The following LSAMP variants were observed in gnomAD, a reference collection of about 807,000 sequenced individuals.
The protein encoded by LSAMP is limbic system associated membrane protein, also known as limbic system-associated membrane protein.
LSAMP carries 7 observed loss-of-function variants against 38.6 expected under a neutral mutation model. The ratio of observed to expected loss-of-function variants is 0.18; its 90% CI spans 0.10 to 0.34. The LOEUF is 0.34. Among genes scored for constraint, LSAMP ranks in the 10% least tolerant of loss-of-function variants. LSAMP has a pLI of 1.00. For missense variants in LSAMP, 313 were observed against 420.0 expected, an observed-to-expected ratio of 0.75 and a Z score of 2.23; for synonymous variants, 154 against 166.8, an observed-to-expected ratio of 0.92 and a Z score of 0.59.
intron 1 of LSAMP, among the ~76,000 whole-genome samples, chr3:116,156,959 A>C (rs73858549): frequency 6.6e-6 from 1 of 152,154 alleles, no homozygotes; most frequent in Non-Finnish European, 1.5e-5. Context: ...TTAACTTCAT[A>C]TAAGGAAGGA....
chr3:115,917,340 G>A (rs1293333726), intron 3 of LSAMP, among the ~76,000 whole-genome samples: 1 of 151,910 alleles, frequency 6.6e-6, no homozygotes, highest in Non-Finnish European at 1.5e-5. Context: ...CTTCTATATT[G>A]TTGCTGCCTT....
In LSAMP at chr3:116,279,232, A is replaced by G. The variant is rs143345392; in HGVS notation, c.155+165645T>C. ...GTCTTGCCCTCAAACAATACATATC[A>G]CTTCTTAATAAATTACCAGTCACAA... On this transcript the variant is annotated intron_variant, in intron 1 of 6. Coordinates refer to ENST00000490035, the MANE Select transcript of LSAMP (RefSeq NM_002338.5). Among the ~76,000 whole-genome samples the G allele has an allele frequency of 6.1e-3, 931 of 152,262 alleles. 5 individuals carry two copies. Among genetic ancestry groups the G allele is most frequent in the Non-Finnish European group, 0.011 (732 of 68,012 alleles).
At chr3:115,932,366 T>C (rs1379188365) in intron 3 of LSAMP, among the ~76,000 whole-genome samples, 1 of 152,206 alleles carries the variant, frequency 6.6e-6, no homozygotes, top group Non-Finnish European at 1.5e-5. Context: ...AACTATTTTG[T>C]AGAGAAATTG....
chr3:116,222,209 G>A (rs1413054222), intron 1 of LSAMP, among the ~76,000 whole-genome samples: 4 of 151,674 alleles, frequency 2.6e-5, no homozygotes, highest in East Asian at 1.9e-4. Context: ...AAAAGGAGGG[G>A]GATTCCTAAG....
At chr3:116,003,082 G>A (rs994481288) in intron 3 of LSAMP, among the ~76,000 whole-genome samples, 1 of 152,100 alleles carries the variant, frequency 6.6e-6, no homozygotes, top group African/African-American at 2.4e-5. Flanking sequence ...GGCAGGTACC[G>A]TGGAAGGTAC....
intron 2 of LSAMP, among the ~76,000 whole-genome samples, chr3:116,048,889 C>A (rs1272012298): frequency 6.6e-6 from 1 of 151,952 alleles, no homozygotes; most frequent in African/African-American, 2.4e-5. Context: ...CGATATGAGA[C>A]AAAATGTAAT....
At chr3:115,878,148 T>C (rs1029148980) in intron 3 of LSAMP, among the ~76,000 whole-genome samples, 1 of 151,976 alleles carries the variant, frequency 6.6e-6, no homozygotes, top group African/African-American at 2.4e-5. Context: ...AATGTGGTAA[T>C]CAGAACTCAG....
intron 4 of LSAMP, among the ~76,000 whole-genome samples, chr3:115,847,292 C>G (rs1935190322): frequency 6.6e-6 from 1 of 152,084 alleles, no homozygotes; most frequent in Non-Finnish European, 1.5e-5. Context: ...TAAAAAGCAG[C>G]AGAGGCAGAG....
chr3:116,138,363 T>G (rs72959793), intron 1 of LSAMP, among the ~76,000 whole-genome samples: 5,051 of 152,198 alleles, frequency 0.033, 221 homozygotes, highest in African/African-American at 0.1. Context: ...GATATTTTCT[T>G]TCAGTTATAA....
At chr3:116,093,943 T>C (rs966211437) in intron 1 of LSAMP, among the ~76,000 whole-genome samples, 1 of 152,166 alleles carries the variant, frequency 6.6e-6, no homozygotes, top group African/African-American at 2.4e-5. Context: ...AGTGATGCTA[T>C]ATATTCCCAG....
At chr3:116,269,456 C>A (rs1354502335) in intron 1 of LSAMP, among the ~76,000 whole-genome samples, 1 of 152,078 alleles carries the variant, frequency 6.6e-6, no homozygotes, top group Non-Finnish European at 1.5e-5. Flanking sequence ...CAGTGCTCAA[C>A]AAATATTTGC....
chr3:115,950,558 G>C (rs946222910), intron 3 of LSAMP, among the ~76,000 whole-genome samples: 1 of 151,940 alleles, frequency 6.6e-6, no homozygotes, highest in African/African-American at 2.4e-5. Flanking sequence ...ATCTGTACAA[G>C]AAAAACTACA....
chr3:115,988,278 T>C (rs1026210878), intron 3 of LSAMP, among the ~76,000 whole-genome samples: 2 of 152,142 alleles, frequency 1.3e-5, no homozygotes, highest in African/African-American at 2.4e-5. Flanking sequence ...TAAAATCACA[T>C]AGTTAACTCT....
intron 3 of LSAMP, among the ~76,000 whole-genome samples, chr3:115,887,368 CAAAGT>C (rs1207171064): frequency 1.3e-5 from 2 of 151,700 alleles, no homozygotes; most frequent in African/African-American, 2.4e-5. Flanking sequence ...AATATGAAAT[CAAAGT>C]AAAGAAATAT....
Position 115,803,109 on chromosome 3 carries a change from TAGGG to T in LSAMP, c.*7204_*7207del, listed in dbSNP as rs1274582809. The T allele has an allele frequency of 1.3e-5, 2 of 150,770 alleles. No homozygotes were observed. The highest frequency in any genetic ancestry group is 5.0e-5 in the African/African-American group (2 of 40,120). The allele number at this position is 150,770 out of a possible 1,614,324, so 9.3% of individuals were successfully genotyped here. On this transcript the variant is annotated 3_prime_UTR_variant, in exon 7 of 7. Coordinates refer to ENST00000490035, the MANE Select transcript of LSAMP (RefSeq NM_002338.5). The stretch of plus-strand genomic sequence containing the variant: ...TATTTGTACTGTGCCTGGCTTTACA[TAGGG>T]AGGATTGTGCAGAGTAGAATGTGGC...
chr3:116,012,612 G>A (rs982747846), intron 3 of LSAMP, among the ~76,000 whole-genome samples: 3 of 152,168 alleles, frequency 2.0e-5, no homozygotes, highest in South Asian at 2.1e-4. Flanking sequence ...ACATTGGGGT[G>A]AAATGTAATA....
intron 1 of LSAMP, among the ~76,000 whole-genome samples, chr3:116,374,345 T>C (rs758220502): frequency 2.6e-5 from 4 of 151,944 alleles, no homozygotes; most frequent in Non-Finnish European, 5.9e-5. Context: ...CATTTGATTT[T>C]CATGAAACAC....
intron 1 of LSAMP, among the ~76,000 whole-genome samples, chr3:116,120,534 C>T (rs1289120200): frequency 6.6e-6 from 1 of 152,066 alleles, no homozygotes. Flanking sequence ...ATAAAAGAGC[C>T]CAGTTATTTT....
intron 1 of LSAMP, among the ~76,000 whole-genome samples, chr3:116,357,532 G>T (rs1230820411): frequency 6.6e-6 from 1 of 151,990 alleles, no homozygotes; most frequent in African/African-American, 2.4e-5. Context: ...CTCGCACATG[G>T]TAACTAAATT....
Sources: gnomAD v4.1 joint callset for allele counts (sites outside exome capture counted in the v4.1 genomes callset) on GRCh38, gnomAD v4.1.1 for gene constraint, MANE v1.5 for transcripts, NCBI Gene and HGNC (gene_info 2026-07-23, HGNC 2026-07-21) for gene names.